The following NKIRAS1 variants were observed in gnomAD, a reference collection of about 807,000 sequenced individuals.
NKIRAS1 encodes NF-kappa-B inhibitor-interacting Ras-like protein 1.
In NKIRAS1, 16 loss-of-function variants were observed where a neutral mutation model predicts 19.8. The observed-to-expected ratio is 0.81, with a 90% CI of 0.55 to 1.23. NKIRAS1 has a LOEUF of 1.23. NKIRAS1 is among the 50% of genes most tolerant of loss of function. The pLI, the probability that NKIRAS1 is intolerant of heterozygous loss-of-function variation, is 0.00. For missense variants in NKIRAS1, 184 were observed against 220.0 expected (o/e 0.84, Z 1.04); for synonymous variants, 88 against 79.0 (o/e 1.11, Z -0.61).
In NKIRAS1 at chr3:23,891,990, A is replaced by G. The variant is rs1385084484; in HGVS notation, c.*1105T>C. The G allele has an allele frequency of 6.6e-6, 1 of 152,222 alleles. No individual in the cohort carries two copies. Among genetic ancestry groups the G allele is most frequent in the Non-Finnish European group, 1.5e-5 (1 of 68,028 alleles). 9.4% of individuals were successfully genotyped at this position (152,222 alleles called of 1,614,324 possible). A position where few individuals can be genotyped will look rare whatever the true frequency, so the allele number is the denominator to read the frequency against. ...TTTGAAGAATTATACTGTAGCAGCA[A>G]TAGCTGATTTGTAAGTATCGTCTTT... On this transcript the variant is annotated 3_prime_UTR_variant, in exon 5 of 5. Coordinates refer to ENST00000425478, the MANE Select transcript of NKIRAS1 (RefSeq NM_020345.4).
rs571343824 is a variant in NKIRAS1 at position 23,912,006 on chromosome 3, C to T, written c.-139-556G>A. ...CTCAAACTCCTGACCTCAAGTGATC[C>T]GCCTGCCTTGGCCTCCCAAAGTGCT... On this transcript the variant is annotated intron_variant, in intron 1 of 4. Coordinates refer to ENST00000425478, the MANE Select transcript of NKIRAS1 (RefSeq NM_020345.4). 6.6e-5 allele frequency among the ~76,000 whole-genome samples: 10 copies of T among 151,698 alleles called. No individual in the cohort carries two copies. In the South Asian group the frequency reaches 2.1e-3, roughly 32 times the overall value.
upstream of NKIRAS1, chr3:23,919,941 T>C: frequency 3.0e-6 from 3 of 989,496 alleles, no homozygotes; most frequent in Non-Finnish European, 2.4e-6. Flanking sequence ...CTTTAGAAAA[T>C]CTGGGTTAGC....
intron 1 of NKIRAS1, among the ~76,000 whole-genome samples, chr3:23,912,046 G>C (rs1703799063): frequency 6.7e-6 from 1 of 150,244 alleles, no homozygotes; most frequent in Admixed American, 6.6e-5. Flanking sequence ...TTACAGGCGT[G>C]AGCTACTGCG....
At chr3:23,946,205 C>G in intron 1 of NKIRAS1, 2 of 985,396 alleles carry the variant, frequency 2.0e-6, no homozygotes, top group East Asian at 1.1e-4. Context: ...GTCCCCGAAG[C>G]GGGCGCTGAC....
In NKIRAS1 at chr3:23,900,832, G is replaced by C; in HGVS notation, c.312C>G (p.Ile104Met). The C allele has an allele frequency of 6.2e-7, 1 of 1,613,278 alleles. No individual in the cohort carries two copies. The change falls in exon 4 of 5, where the codon ATC becomes ATG. Residue 104 changes from isoleucine to methionine, a missense_variant. By Grantham distance (10) the Ile-to-Met change is conservative. Transcript: ENST00000425478. ...CCTCTTTTTTGTCTTTGAACTTATCGATTTCTTTCTTCAGAAGCTCCACTC... is the reference window on the plus strand; with the variant it reads ...CCTCTTTTTTGTCTTTGAACTTATCCATTTCTTTCTTCAGAAGCTCCACTC... ...FQRVELLKKE[I>M]DKFKDKKEVA...
intron 1 of NKIRAS1, among the ~76,000 whole-genome samples, chr3:23,935,431 G>A (rs1411107119): frequency 6.7e-6 from 1 of 148,890 alleles, no homozygotes; most frequent in South Asian, 2.1e-4. Context: ...TTCTTTTTTT[G>A]TTGAGATGGG....
rs1423603244 is a variant in NKIRAS1 at position 23,914,361 on chromosome 3, T to C, written c.-140+2423A>G. ...CTTTCTGACGCAACCAGAAAAACAATACCAAAACACTGTTAACATCATAGG... is the reference window on the plus strand; with the variant it reads ...CTTTCTGACGCAACCAGAAAAACAACACCAAAACACTGTTAACATCATAGG... On this transcript the variant is annotated intron_variant, in intron 1 of 4. Transcript: ENST00000425478. 5.3e-5 allele frequency among the ~76,000 whole-genome samples: 8 copies of C among 152,266 alleles called. No individual in the cohort carries two copies. In the South Asian group the frequency reaches 8.3e-4, roughly 16 times the overall value.
rs1398497906 is a variant in NKIRAS1, at chr3:23,890,456, G to GT, written c.*2638dup. 2 of 1,574,110 alleles carry GT rather than the reference G, an allele frequency of 1.3e-6. No homozygotes were observed. The highest frequency in any genetic ancestry group is 1.7e-6 in the Non-Finnish European group (2 of 1,156,196). ...ACCCAAGCTGTCACTATTCGCTAAA[G>GT]TTTAAAATGTTCTTTTCCTTTCTCC... On this transcript the variant is annotated 3_prime_UTR_variant, in exon 5 of 5. Transcript: ENST00000425478.
chr3:23,914,171 TAAA>T (rs5847260), intron 1 of NKIRAS1, among the ~76,000 whole-genome samples: 13 of 144,726 alleles, frequency 9.0e-5, no homozygotes, highest in Admixed American at 2.1e-4. Context: ...AACTTGAGGC[TAAA>T]AAAAAAAAAA....
In NKIRAS1 at chr3:23,900,667, A is replaced by G. The variant is rs1250374722; in HGVS notation, c.336+141T>C. 9.0e-6 allele frequency: 6 copies of G among 664,074 alleles called. No individual in the cohort carries two copies. In the African/African-American group the frequency reaches 1.1e-4, roughly 12 times the overall value. The allele number at this position is 664,074 out of a possible 1,614,324, so 41.1% of individuals were successfully genotyped here. ...AAAAAAAAAAAAAAAAGAAAAAGAA[A>G]AAGAAAAGAAAAAAATTGTAAAGGT... On this transcript the variant is annotated intron_variant, in intron 4 of 4. Coordinates refer to ENST00000425478, the MANE Select transcript of NKIRAS1 (RefSeq NM_020345.4).
At chr3:23,907,839 A>C (rs1703223676) in intron 3 of NKIRAS1, among the ~76,000 whole-genome samples, 1 of 152,244 alleles carries the variant, frequency 6.6e-6, no homozygotes, top group Admixed American at 6.5e-5. Flanking sequence ...GCATTTCTGC[A>C]TGCAATTATG....
At chr3:23,941,848 A>G (rs899816285) in intron 1 of NKIRAS1, among the ~76,000 whole-genome samples, 1 of 152,222 alleles carries the variant, frequency 6.6e-6, no homozygotes, top group Non-Finnish European at 1.5e-5. Context: ...TTTTATAGAC[A>G]CTATCATCGA....
intron 3 of NKIRAS1, among the ~76,000 whole-genome samples, chr3:23,910,311 T>G (rs1213365382): frequency 6.6e-6 from 1 of 151,716 alleles, no homozygotes; most frequent in African/African-American, 2.4e-5. Context: ...CACCTGCTAC[T>G]ATGCCTGGCT....
intron 1 of NKIRAS1, among the ~76,000 whole-genome samples, chr3:23,925,998 A>T (rs1301025692): frequency 6.6e-6 from 1 of 152,174 alleles, no homozygotes; most frequent in Non-Finnish European, 1.5e-5. Flanking sequence ...AAATATTTTG[A>T]CCATCACAGA....
rs113161835 is a variant in NKIRAS1 at position 23,912,272 on chromosome 3, G to A, written c.-139-822C>T. ...TCAACAGGCAACCTACAGAATGGGA[G>A]ATTTTTGCAATCTACCCATCTGACA... On this transcript the variant is annotated intron_variant, in intron 1 of 4. Transcript: ENST00000425478. 2.4e-3 allele frequency among the ~76,000 whole-genome samples: 360 copies of A among 152,026 alleles called. 1 individual carries two copies. Among genetic ancestry groups the A allele is most frequent in the African/African-American group, 7.4e-3 (308 of 41,476 alleles).
exon 1 of NKIRAS1, chr3:23,946,367 G>C (rs1705708972): frequency 1.1e-6 from 1 of 883,868 alleles, no homozygotes; most frequent in African/African-American, 1.8e-5. Context: ...GCGTGCTGCA[G>C]GCCGGAGGAG....
intron 1 of NKIRAS1, among the ~76,000 whole-genome samples, chr3:23,935,366 G>A (rs901004566): frequency 2.7e-5 from 3 of 110,592 alleles, no homozygotes; most frequent in African/African-American, 7.9e-5. Flanking sequence ...TAATGGCCAA[G>A]GTTCTGATTA....
chr3:23,919,420 C>G, upstream of NKIRAS1: 1 of 1,604,074 alleles, frequency 6.2e-7, no homozygotes, highest in Non-Finnish European at 8.5e-7. Context: ...GAAAGGGCCA[C>G]AAGTTCCACC....
intron 1 of NKIRAS1, among the ~76,000 whole-genome samples, chr3:23,942,880 T>C (rs1300463957): frequency 1.3e-5 from 2 of 152,182 alleles, no homozygotes; most frequent in African/African-American, 4.8e-5. Context: ...CTTGAGTAGC[T>C]GGGACTACAG....
Sources: allele counts gnomAD v4.1 joint callset (sites outside exome capture counted in the v4.1 genomes callset), GRCh38; gene constraint gnomAD v4.1.1; transcripts MANE v1.5; gene names NCBI Gene and HGNC (gene_info 2026-07-23, HGNC 2026-07-21).